The following NRXN1 variants were observed in gnomAD, a reference collection of about 807,000 sequenced individuals.
NRXN1 encodes neurexin-1.
NRXN1 carries 39 observed loss-of-function variants against 150.9 expected under a neutral mutation model. The observed-to-expected ratio is 0.26, with a 90% CI of 0.20 to 0.34. The LOEUF is 0.34. NRXN1 is among the 10% of genes least tolerant of loss of function. The pLI, the probability that NRXN1 is intolerant of heterozygous loss-of-function variation, is 1.00. For missense variants in NRXN1, 1,815 were observed against 1,949.9 expected (o/e 0.93, Z 1.30); for synonymous variants, 924 against 757.0 (o/e 1.22, Z -3.62).
chr2:50,785,904 C>T (rs1163758323), intron 5 of NRXN1, among the ~76,000 whole-genome samples: 1 of 151,992 alleles, frequency 6.6e-6, no homozygotes, highest in Non-Finnish European at 1.5e-5. Context: ...TATTTTCATT[C>T]CTGAAGTCTG....
intron 8 of NRXN1, among the ~76,000 whole-genome samples, chr2:50,608,265 T>C (rs1677460240): frequency 6.6e-6 from 1 of 152,188 alleles, no homozygotes; most frequent in Non-Finnish European, 1.5e-5. Context: ...ATGATGACAA[T>C]ATAATATGGT....
At chr2:50,884,491 T>C (rs946106279) in intron 5 of NRXN1, among the ~76,000 whole-genome samples, 23 of 151,750 alleles carry the variant, frequency 1.5e-4, no homozygotes, top group African/African-American at 5.6e-4. Context: ...ATAAATTATT[T>C]AGTTTTGAAG....
chr2:50,293,059 C>G (rs60291038), intron 17 of NRXN1, among the ~76,000 whole-genome samples: 3 of 151,918 alleles, frequency 2.0e-5, no homozygotes, highest in Non-Finnish European at 4.4e-5. Flanking sequence ...TGCCCCTAAG[C>G]GTACATACCC....
intron 18 of NRXN1, among the ~76,000 whole-genome samples, chr2:50,190,501 A>G (rs966914474): frequency 6.6e-6 from 1 of 152,110 alleles, no homozygotes; most frequent in African/African-American, 2.4e-5. Context: ...GCTTTATTTG[A>G]TAGCTTAATG....
At chr2:50,693,376 G>A (rs1369726433) in intron 5 of NRXN1, among the ~76,000 whole-genome samples, 4 of 152,080 alleles carry the variant, frequency 2.6e-5, no homozygotes, top group Non-Finnish European at 4.4e-5. Context: ...AGTAAGAGTC[G>A]GATGTTAAAC....
At chr2:50,884,171 T>C (rs1010869868) in intron 5 of NRXN1, among the ~76,000 whole-genome samples, 1 of 151,812 alleles carries the variant, frequency 6.6e-6, no homozygotes, top group African/African-American at 2.4e-5. Context: ...CAAAAAGATT[T>C]TTTAAAAATT....
intron 18 of NRXN1, among the ~76,000 whole-genome samples, chr2:50,128,112 G>T (rs866826463): frequency 6.6e-6 from 1 of 152,202 alleles, no homozygotes; most frequent in African/African-American, 2.4e-5. Flanking sequence ...CTACCAGGTT[G>T]AGCAGAGATA....
intron 17 of NRXN1, among the ~76,000 whole-genome samples, chr2:50,242,588 G>C (rs1204066565): frequency 6.6e-6 from 1 of 151,624 alleles, no homozygotes; most frequent in Non-Finnish European, 1.5e-5. Flanking sequence ...ATCAAGTAAT[G>C]AGTTTCTACC....
intron 21 of NRXN1, among the ~76,000 whole-genome samples, chr2:50,000,905 T>C (rs1213373246): frequency 1.3e-5 from 2 of 152,158 alleles, no homozygotes; most frequent in Non-Finnish European, 2.9e-5. Flanking sequence ...CAGTATTTGC[T>C]TTCTTGGTCA....
chr2:50,788,500 C>A (rs769242246), intron 5 of NRXN1, among the ~76,000 whole-genome samples: 1 of 152,006 alleles, frequency 6.6e-6, no homozygotes, highest in Non-Finnish European at 1.5e-5. Context: ...TGGACAAGGA[C>A]AAGGTCATCA....
chr2:50,009,397 T>A (rs1442362890), intron 21 of NRXN1, among the ~76,000 whole-genome samples: 2 of 152,256 alleles, frequency 1.3e-5, no homozygotes, highest in Admixed American at 6.5e-5. Context: ...CATGGTAACA[T>A]AGAGGCTCAA....
chr2:50,117,485 A>G (rs1703225614), intron 18 of NRXN1, among the ~76,000 whole-genome samples: 1 of 152,160 alleles, frequency 6.6e-6, no homozygotes, highest in African/African-American at 2.4e-5. Flanking sequence ...TGCAGCATAT[A>G]TTTGAGCCTG....
At chr2:50,469,165 G>A (rs2089218801) in intron 16 of NRXN1, among the ~76,000 whole-genome samples, 1 of 151,584 alleles carries the variant, frequency 6.6e-6, no homozygotes, top group African/African-American at 2.4e-5. Context: ...TATTGAATTA[G>A]AAACCCTGGG....
intron 18 of NRXN1, among the ~76,000 whole-genome samples, chr2:50,231,784 C>T (rs2064967231): frequency 6.6e-6 from 1 of 151,976 alleles, no homozygotes; most frequent in Non-Finnish European, 1.5e-5. Context: ...AAGTAATTTC[C>T]AAATGACATC....
At chr2:50,019,544 G>T (rs112043185) in intron 21 of NRXN1, among the ~76,000 whole-genome samples, 4,571 of 144,746 alleles carry the variant, frequency 0.032, 243 homozygotes, top group African/African-American at 0.11. Context: ...TCGGGAGGCT[G>T]AGGCAGAGAA....
At chr2:50,443,406 G>A (rs547378433) in intron 17 of NRXN1, among the ~76,000 whole-genome samples, 4 of 152,300 alleles carry the variant, frequency 2.6e-5, no homozygotes, top group South Asian at 2.1e-4. Context: ...GAAAGTGTGA[G>A]GCCAGAAATG....
intron 16 of NRXN1, among the ~76,000 whole-genome samples, chr2:50,471,610 C>CTTT (rs1436805997): frequency 1.3e-5 from 2 of 151,888 alleles, no homozygotes; most frequent in African/African-American, 4.8e-5. Context: ...TCTCACTATC[C>CTTT]TTCACAAACT....
intron 17 of NRXN1, 74 bp downstream of exon 17, chr2:50,465,368 G>C (rs2088710234): frequency 1.4e-6 from 2 of 1,421,556 alleles, no homozygotes; most frequent in Non-Finnish European, 1.9e-6. Flanking sequence ...AGGACTTTCA[G>C]TGTTAGACTT....
intron 5 of NRXN1, among the ~76,000 whole-genome samples, chr2:50,654,280 T>C (rs545202870): frequency 8.0e-6 from 1 of 125,288 alleles, no homozygotes; most frequent in South Asian, 2.5e-4. Flanking sequence ...CATGTGGTGT[T>C]TGGTTTTTTT....
Sources: gnomAD v4.1 joint callset for allele counts (sites outside exome capture counted in the v4.1 genomes callset) on GRCh38, gnomAD v4.1.1 for gene constraint, MANE v1.5 for transcripts, NCBI Gene and HGNC (gene_info 2026-07-23, HGNC 2026-07-21) for gene names.